Variants in LPGAT1 observed in about 807,000 individuals in gnomAD.
LPGAT1 encodes the protein acyl-CoA:lysophosphatidylglycerol acyltransferase 1.
Under a neutral mutation model 47.5 loss-of-function variants are expected in LPGAT1, and 11 were observed. The ratio of observed to expected loss-of-function variants is 0.23; its 90% CI spans 0.15 to 0.38. The LOEUF is 0.38. LPGAT1 is among the 10% of genes least tolerant of loss of function. The pLI, the probability that LPGAT1 is intolerant of heterozygous loss-of-function variation, is 1.00. For synonymous variants in LPGAT1, 138 were observed against 144.2 expected, an observed-to-expected ratio of 0.96 and a Z score of 0.31; for missense variants, 293 against 439.0, an observed-to-expected ratio of 0.67 and a Z score of 2.97.
At chr1:211,757,871 T>C (rs1657531250) in intron 6 of LPGAT1, among the ~76,000 whole-genome samples, 3 of 152,226 alleles carry the variant, frequency 2.0e-5, no homozygotes, top group Non-Finnish European at 4.4e-5. Context: ...TGCCTCCTCT[T>C]TGTGCCCCCT....
chr1:211,750,923 T>C, intron 7 of LPGAT1, 38 bp downstream of exon 7: 1 of 1,397,236 alleles, frequency 7.2e-7, no homozygotes, highest in East Asian at 2.3e-5. Flanking sequence ...TCATTACTGT[T>C]GCTATAATTT....
At chr1:211,807,694 T>A (rs1234492653) in intron 2 of LPGAT1, among the ~76,000 whole-genome samples, 1 of 152,094 alleles carries the variant, frequency 6.6e-6, no homozygotes, top group Non-Finnish European at 1.5e-5. Context: ...GCAAAAAAAA[T>A]GTGAACCTTG....
rs573161113 is a variant in LPGAT1, at chr1:211,798,080, A to G, written c.239-4890T>C. On this transcript the variant is annotated intron_variant, in intron 2 of 7. Coordinates refer to ENST00000366997, the MANE Select transcript of LPGAT1 (RefSeq NM_014873.3). ...AGAAAATAGAAACAACCCATCAAAA[A>G]CTCCTTAACAACAGTGACACTAAAG... Among the ~76,000 whole-genome samples, 9 of 152,096 alleles carry G rather than the reference A, an allele frequency of 5.9e-5. No homozygotes were observed. The South Asian group carries it at 1.5e-3, about 25-fold the overall frequency.
At chr1:211,829,428 C>A in intron 1 of LPGAT1, 105 bp from the exon 2 acceptor site, 1 of 1,492,228 alleles carries the variant, frequency 6.7e-7, no homozygotes, top group Middle Eastern at 2.3e-4. Flanking sequence ...CAGCGAGGGT[C>A]GAAGCTTTCC....
rs939507778 is a variant in LPGAT1, at chr1:211,793,011, A to C, written c.357+61T>G. ...AGACATGAGCCACCATGCCCGGCCA[A>C]ATGGATTCCTTTTTAACCTTCCTTT... On this transcript the variant is annotated intron_variant, in intron 3 of 7. Coordinates refer to ENST00000366997, the MANE Select transcript of LPGAT1 (RefSeq NM_014873.3). The C allele has an allele frequency of 8.8e-5, 106 of 1,201,536 alleles. 1 individual carries two copies. The highest frequency in any genetic ancestry group is 2.0e-4 in the Middle Eastern group (1 of 5,060). 74.4% of individuals were successfully genotyped at this position (1,201,536 alleles called of 1,614,324 possible).
At chr1:211,805,634 T>A (rs1011408843) in intron 2 of LPGAT1, among the ~76,000 whole-genome samples, 9 of 152,184 alleles carry the variant, frequency 5.9e-5, no homozygotes, top group African/African-American at 2.2e-4. Flanking sequence ...CCAATTTCTA[T>A]CAAAGAAATT....
chr1:211,792,874 G>A (rs1327492040), intron 3 of LPGAT1, among the ~76,000 whole-genome samples, 198 bp downstream of exon 3: 1 of 151,860 alleles, frequency 6.6e-6, no homozygotes, highest in Non-Finnish European at 1.5e-5. Context: ...ACCACGCCCA[G>A]CTAATTTCTG....
intron 2 of LPGAT1, among the ~76,000 whole-genome samples, chr1:211,808,760 T>C (rs1659855493): frequency 6.6e-6 from 1 of 152,320 alleles, no homozygotes; most frequent in African/African-American, 2.4e-5. Context: ...TTTTCTGTAA[T>C]GGGCCAAACA....
intron 2 of LPGAT1, among the ~76,000 whole-genome samples, chr1:211,808,717 G>A (rs1020758238): frequency 1.2e-4 from 17 of 145,400 alleles, no homozygotes; most frequent in African/African-American, 3.4e-4. Flanking sequence ...ACCCACTTCT[G>A]GATATTTACC....
Position 211,745,689 on chromosome 1 carries a change from A to T in LPGAT1, c.*4210T>A, listed in dbSNP as rs1159354913. The T allele has an allele frequency of 6.6e-6, 1 of 152,598 alleles. No homozygotes were observed. The highest frequency in any genetic ancestry group is 2.4e-5 in the African/African-American group (1 of 41,430). 9.5% of individuals were successfully genotyped at this position (152,598 alleles called of 1,614,324 possible). ...GCTTATTCCCAGGGTCCAGTTCCTA[A>T]TTGTTGGGGATTGGCGCAAAATGAT... On this transcript the variant is annotated 3_prime_UTR_variant, in exon 8 of 8. Transcript: ENST00000366997.
chr1:211,761,722 C>G (rs1657705814), intron 6 of LPGAT1, among the ~76,000 whole-genome samples: 1 of 152,136 alleles, frequency 6.6e-6, no homozygotes, highest in Non-Finnish European at 1.5e-5. Context: ...TAAGGTATAC[C>G]AAAATCTGAA....
intron 3 of LPGAT1, among the ~76,000 whole-genome samples, chr1:211,791,743 T>C (rs1659120468): frequency 9.1e-6 from 1 of 109,886 alleles, no homozygotes; most frequent in African/African-American, 3.6e-5. Flanking sequence ...CAAGACTCCA[T>C]CTCAAAAAAA....
chr1:211,785,599 T>A (rs1306888017), intron 4 of LPGAT1, among the ~76,000 whole-genome samples: 1 of 151,248 alleles, frequency 6.6e-6, no homozygotes, highest in East Asian at 1.9e-4. Context: ...TAATCTAGTA[T>A]AATTTAGCCT....
chr1:211,788,264 T>C (rs1658966576), intron 3 of LPGAT1, among the ~76,000 whole-genome samples: 1 of 152,230 alleles, frequency 6.6e-6, no homozygotes, highest in Non-Finnish European at 1.5e-5. Flanking sequence ...TGTAAAATCA[T>C]GGTCTTTGCC....
At chr1:211,825,647 CA>C (rs1275005946) in intron 2 of LPGAT1, among the ~76,000 whole-genome samples, 2 of 152,154 alleles carry the variant, frequency 1.3e-5, no homozygotes, top group Non-Finnish European at 2.9e-5. Context: ...GATATCTGTA[CA>C]GCACTTCCTA....
intron 6 of LPGAT1, among the ~76,000 whole-genome samples, chr1:211,754,517 C>T (rs1657354098): frequency 6.6e-6 from 1 of 151,624 alleles, no homozygotes; most frequent in East Asian, 1.9e-4. Flanking sequence ...TTTAGGAGAG[C>T]AGGAAGTAAA....
intron 5 of LPGAT1, among the ~76,000 whole-genome samples, chr1:211,779,716 G>A (rs1213882361): frequency 6.6e-6 from 1 of 152,056 alleles, no homozygotes; most frequent in Non-Finnish European, 1.5e-5. Flanking sequence ...GCCGGGTATG[G>A]TGGTGCATGC....
At chr1:211,784,698 G>C (rs936731527) in intron 4 of LPGAT1, among the ~76,000 whole-genome samples, 17 of 151,762 alleles carry the variant, frequency 1.1e-4, no homozygotes, top group African/African-American at 3.6e-4. Context: ...TATCTTAGTT[G>C]AGAGGGAAAG....
chr1:211,824,944 T>C (rs773590301), intron 2 of LPGAT1, among the ~76,000 whole-genome samples: 2 of 152,070 alleles, frequency 1.3e-5, no homozygotes, highest in Admixed American at 6.6e-5. Flanking sequence ...CAGCTGTCAG[T>C]TGGGGAGCAG....
Sources: gnomAD v4.1 joint callset for allele counts (sites outside exome capture counted in the v4.1 genomes callset) on GRCh38, gnomAD v4.1.1 for gene constraint, MANE v1.5 for transcripts, NCBI Gene and HGNC (gene_info 2026-07-23, HGNC 2026-07-21) for gene names.